COX5A: variants seen among roughly 807,000 people sequenced by gnomAD.
COX5A encodes the protein cytochrome c oxidase subunit 5A, also known as cytochrome c oxidase subunit 5A, mitochondrial.
In COX5A, 6 loss-of-function variants were observed where a neutral mutation model predicts 16.1. The observed-to-expected ratio is 0.37, with a 90% CI of 0.20 to 0.73. COX5A has a LOEUF of 0.73. Among genes scored for constraint, COX5A ranks in the 30% least tolerant of loss-of-function variants. COX5A has a pLI of 0.50. For missense variants in COX5A, 159 were observed against 194.9 expected (o/e 0.82, Z 1.10); for synonymous variants, 73 against 73.8 (o/e 0.99, Z 0.06).
chr15:74,921,054 C>G (rs550501178), intron 4 of COX5A, among the ~76,000 whole-genome samples: 2 of 152,176 alleles, frequency 1.3e-5, no homozygotes, highest in East Asian at 3.9e-4. Context: ...TTCTGGACCC[C>G]TTGGAATAAT....
intron 1 of COX5A, among the ~76,000 whole-genome samples, chr15:74,937,377 G>T (rs527928479): frequency 5.3e-5 from 8 of 152,332 alleles, no homozygotes; most frequent in African/African-American, 1.9e-4. Context: ...AAACGTGGAA[G>T]AATTAGAACG....
chr15:74,925,259 C>T (rs563513258), intron 3 of COX5A, among the ~76,000 whole-genome samples: 3 of 151,900 alleles, frequency 2.0e-5, no homozygotes, highest in African/African-American at 4.8e-5. Flanking sequence ...GCTGAGATCA[C>T]GCAATGATTG....
At chr15:74,937,762 C>T (rs1179176777) in intron 1 of COX5A, 153 bp downstream of exon 1, 3 of 438,836 alleles carry the variant, frequency 6.8e-6, no homozygotes, top group East Asian at 7.2e-5. Flanking sequence ...CTCCACTACT[C>T]GAGGCGGCGG....
chr15:74,932,452 C>T (rs976579011), intron 1 of COX5A, among the ~76,000 whole-genome samples: 9 of 151,774 alleles, frequency 5.9e-5, no homozygotes, highest in African/African-American at 9.7e-5. Context: ...CCAGCCTTAA[C>T]ATACATATAT....
intron 1 of COX5A, among the ~76,000 whole-genome samples, chr15:74,937,331 G>C (rs1336230634): frequency 6.6e-6 from 1 of 152,148 alleles, no homozygotes; most frequent in African/African-American, 2.4e-5. Context: ...CTATCTTCCG[G>C]AGATCAGGAA....
At chr15:74,926,203 C>T (rs1042390521) in intron 3 of COX5A, among the ~76,000 whole-genome samples, 2 of 151,832 alleles carry the variant, frequency 1.3e-5, no homozygotes, top group African/African-American at 4.8e-5. Flanking sequence ...CCACACCCGG[C>T]TAATTTTTTT....
At chr15:74,923,478 C>A in intron 4 of COX5A, 170 bp downstream of exon 4, 2 of 505,940 alleles carry the variant, frequency 4.0e-6, no homozygotes, top group Non-Finnish European at 3.5e-6. Flanking sequence ...AACTAGAAAT[C>A]ATTTCAGTTC....
At chr15:74,935,628 T>TA (rs1281222073) in intron 1 of COX5A, among the ~76,000 whole-genome samples, 115 of 148,244 alleles carry the variant, frequency 7.8e-4, no homozygotes, top group African/African-American at 1.9e-3. Flanking sequence ...AATAAATAAA[T>TA]AAAAAATTTT....
In COX5A at chr15:74,921,407, C is replaced by CA. The variant is rs56979177; in HGVS notation, c.*10-966dup. Among the ~76,000 whole-genome samples the CA allele has an allele frequency of 4.8e-3, 383 of 79,396 alleles. 10 individuals carry two copies. Among genetic ancestry groups the CA allele is most frequent in the African/African-American group, 0.012 (222 of 18,840 alleles). 52.1% of individuals were successfully genotyped at this position (79,396 alleles called of 152,430 possible). Reference sequence around the variant, plus strand: ...TGGGTGACAGAGCCAGACTCCGTCTCAAAAAAAAAAAAAAAAAAAGAAAAA... The same window carrying CA: ...TGGGTGACAGAGCCAGACTCCGTCTCAAAAAAAAAAAAAAAAAAAAGAAAAA... On this transcript the variant is annotated intron_variant, in intron 4 of 4. Transcript: ENST00000322347.
intron 3 of COX5A, 62 bp downstream of exon 3, chr15:74,926,704 C>T: frequency 1.3e-6 from 2 of 1,529,970 alleles, no homozygotes; most frequent in Non-Finnish European, 1.8e-6. Flanking sequence ...ACAGAATATT[C>T]TGATACCTCA....
intron 1 of COX5A, among the ~76,000 whole-genome samples, chr15:74,932,731 C>G (rs1046568350): frequency 1.2e-4 from 18 of 151,570 alleles, no homozygotes; most frequent in African/African-American, 4.1e-4. Flanking sequence ...GAGTCTCACC[C>G]TGTCGCCCAG....
In COX5A at chr15:74,926,876, G is replaced by A; in HGVS notation, c.229C>T (p.Leu77Phe). Reference sequence around the variant, plus strand: ...TCTGGAACCATATCATAGGTAACAAGTGTGTTTATCCCTGCAAAATTAAAA... The same window carrying A: ...TCTGGAACCATATCATAGGTAACAAATGTGTTTATCCCTGCAAAATTAAAA... ...AWELRKGINT[L>F]VTYDMVPEPK... The change falls in exon 3 of 5, where the codon CTT becomes TTT. Residue 77 changes from leucine (L) to phenylalanine (F), a missense_variant. Coordinates refer to ENST00000322347, the MANE Select transcript of COX5A (RefSeq NM_004255.4). The A allele has an allele frequency of 6.2e-7, 1 of 1,613,012 alleles. No individual in the cohort carries two copies. Among genetic ancestry groups the A allele is most frequent in the Non-Finnish European group, 8.5e-7 (1 of 1,179,618 alleles).
intron 1 of COX5A, among the ~76,000 whole-genome samples, chr15:74,934,535 G>A (rs879893305): frequency 7.9e-5 from 12 of 152,064 alleles, no homozygotes; most frequent in Non-Finnish European, 1.8e-4. Flanking sequence ...GTTTCACCGC[G>A]TTAGCCAGGA....
At chr15:74,923,849 CT>C in intron 3 of COX5A, 79 bp from the exon 4 acceptor site, 1 of 896,346 alleles carries the variant, frequency 1.1e-6, no homozygotes, top group Non-Finnish European at 1.8e-6. Context: ...TTAAAAATGC[CT>C]TTAATTACTT....
chr15:74,921,369 C>G (rs1400280268), intron 4 of COX5A, among the ~76,000 whole-genome samples: 1 of 141,808 alleles, frequency 7.1e-6, no homozygotes, highest in Admixed American at 7.5e-5. Context: ...GATCATGCCA[C>G]TGCACTCCAG....
rs1595862113 is a variant in COX5A, at chr15:74,929,141, A to G, written c.192T>C (p.Asp64=). The part of the protein sequence containing the change: ...ARWVTYFNKP[D]IDAWELRKGI... ...CTTTACGCAATTCCCAGGCATCTAT[A>G]TCTGGCTTGTTGAAGTATGTTACCC... Residue 64 remains aspartate (D), a synonymous_variant, in exon 2 of 5, where the codon GAT becomes GAC. Transcript: ENST00000322347. 6.2e-7 allele frequency: 1 copy of G among 1,613,396 alleles called. No homozygotes were observed. Among genetic ancestry groups the G allele is most frequent in the Non-Finnish European group, 8.5e-7 (1 of 1,179,308 alleles).
At position 74,921,501 on chromosome 15, in the gene COX5A, G is replaced by A. The variant is rs545286242; in HGVS notation, c.*10-1059C>T. Among the ~76,000 whole-genome samples, 667 of 151,832 alleles carry A rather than the reference G, an allele frequency of 4.4e-3. 1 individual carries two copies. Among genetic ancestry groups the A allele is most frequent in the Non-Finnish European group, 6.8e-3 (459 of 67,922 alleles). ...GCCCAGCACTTTGGGAGGCTGAGGC[G>A]GGTGGATCACCTGAGGTCAGGAGTT... On this transcript the variant is annotated intron_variant, in intron 4 of 4. Transcript: ENST00000322347.
At chr15:74,926,488 TAAAAAAGAAAGAAAAAA>T (rs1476559230) in intron 3 of COX5A, among the ~76,000 whole-genome samples, 15 of 119,810 alleles carry the variant, frequency 1.3e-4, no homozygotes, top group Admixed American at 7.2e-4. Context: ...GATAAATTCT[TAAAAAAGAAAGAAAAAA>T]AAAAAAGAGA....
At chr15:74,924,235 T>C (rs2065333673) in intron 3 of COX5A, among the ~76,000 whole-genome samples, 1 of 151,554 alleles carries the variant, frequency 6.6e-6, no homozygotes, top group South Asian at 2.1e-4. Context: ...GTTAACACAT[T>C]TGTTCGGTAA....
Sources: allele counts gnomAD v4.1 joint callset (sites outside exome capture counted in the v4.1 genomes callset), GRCh38; gene constraint gnomAD v4.1.1; transcripts MANE v1.5; gene names NCBI Gene and HGNC (gene_info 2026-07-23, HGNC 2026-07-21).